Variants in CAMK2G observed in about 807,000 individuals in gnomAD.
The protein encoded by CAMK2G is calcium/calmodulin-dependent protein kinase type II subunit gamma.
A neutral mutation model predicts 88.7 loss-of-function variants in CAMK2G; 23 were observed. That is an observed-to-expected ratio of 0.26 (90% CI 0.19 to 0.37). The LOEUF (loss-of-function observed/expected upper bound fraction) is 0.37, where lower values mean the gene tolerates loss of function less well. CAMK2G is among the 10% of genes least tolerant of loss of function. The probability of loss-of-function intolerance (pLI) is 1.00; values close to 1 mark genes in which losing one functional copy is unlikely to be tolerated. For synonymous variants in CAMK2G, 263 were observed against 294.8 expected, an observed-to-expected ratio of 0.89 and a Z score of 1.11; for missense variants, 476 against 780.8, an observed-to-expected ratio of 0.61 and a Z score of 4.65.
chr10:73,825,070 G>GAGCAGC (rs1049722830), intron 16 of CAMK2G, among the ~76,000 whole-genome samples: 1 of 152,218 alleles, frequency 6.6e-6, no homozygotes, highest in African/African-American at 2.4e-5. Context: ...GCAGGAGCAG[G>GAGCAGC]AGCAGCACTT....
intron 10 of CAMK2G, among the ~76,000 whole-genome samples, chr10:73,843,217 C>A (rs192618229): frequency 8.3e-4 from 126 of 152,226 alleles, no homozygotes; most frequent in African/African-American, 2.8e-3. Flanking sequence ...GCACATCCCA[C>A]CACACCCAGC....
At position 73,842,425 on chromosome 10, in the gene CAMK2G, C is replaced by T; in HGVS notation, c.903+33G>A. 6.6e-7 allele frequency: 1 copy of T among 1,514,916 alleles called. No individual in the cohort carries two copies. Among genetic ancestry groups the T allele is most frequent in the Non-Finnish European group, 9.2e-7 (1 of 1,089,376 alleles). The allele number at this position is 1,514,916 out of a possible 1,614,324, so 93.8% of individuals were successfully genotyped here. On this transcript the variant is annotated intron_variant, in intron 11 of 22. Coordinates refer to ENST00000423381, the MANE Select transcript of CAMK2G (RefSeq NM_001367534.1). This position sits in a 1 kb window ranked among gnomAD's most constrained non-coding sequence, Gnocchi z 4.6. ...GCCACACTGGTGCAAGGCATGATGTCAAGGAGGCTGGCAGCCTAGAAACGA... is the reference window on the plus strand; with the variant it reads ...GCCACACTGGTGCAAGGCATGATGTTAAGGAGGCTGGCAGCCTAGAAACGA...
rs114593384 is a variant in CAMK2G, at chr10:73,839,724, C to T, written c.947-123G>A. 4.2e-3 allele frequency: 2,091 copies of T among 498,858 alleles called. 27 individuals carry two copies. The highest frequency in any genetic ancestry group is 0.037 in the African/African-American group (1,871 of 50,354). 30.9% of individuals were successfully genotyped at this position (498,858 alleles called of 1,614,324 possible). On this transcript the variant is annotated intron_variant, in intron 12 of 22. Coordinates refer to ENST00000423381, the MANE Select transcript of CAMK2G (RefSeq NM_001367534.1). This position sits in a 1 kb window ranked among gnomAD's most constrained non-coding sequence, Gnocchi z 4.2. Reference sequence around the variant, plus strand: ...GGCCAAGCCAGCCGAGCTGGGGGAGCGGAGCGCCAGGGGCAGGCTGAGGAG... The same window carrying T: ...GGCCAAGCCAGCCGAGCTGGGGGAGTGGAGCGCCAGGGGCAGGCTGAGGAG...
At chr10:73,833,024 G>A (rs2092699801) in intron 14 of CAMK2G, among the ~76,000 whole-genome samples, 1 of 149,974 alleles carries the variant, frequency 6.7e-6, no homozygotes, top group South Asian at 2.1e-4. Context: ...GAGCGCAGTG[G>A]TGTGATCCTG....
At chr10:73,852,649 T>C in intron 4 of CAMK2G, 1 of 338,432 alleles carries the variant, frequency 3.0e-6, no homozygotes, top group Non-Finnish European at 5.5e-6. Flanking sequence ...ACATAAACAC[T>C]AAAATATCGC....
intron 14 of CAMK2G, among the ~76,000 whole-genome samples, chr10:73,835,070 A>T (rs1400941489): frequency 6.6e-6 from 1 of 151,852 alleles, no homozygotes; most frequent in Non-Finnish European, 1.5e-5. Flanking sequence ...AACCCAGCAA[A>T]ATCCAGCTAC....
intron 3 of CAMK2G, among the ~76,000 whole-genome samples, chr10:73,855,439 T>G (rs2094956385): frequency 6.6e-6 from 1 of 152,246 alleles, no homozygotes; most frequent in South Asian, 2.1e-4. Flanking sequence ...GGTATGATGC[T>G]GACAACCATC....
Position 73,815,061 on chromosome 10 carries a change from T to C in CAMK2G, c.1721A>G (p.Asn574Ser), listed in dbSNP as rs1270413038. The change falls in exon 22 of 23, where the codon AAT (asparagine) becomes AGT (serine). Residue 574 changes from asparagine (N) to serine (S), a missense_variant. Asn to Ser is a conservative substitution (Grantham distance 46, BLOSUM62 1). Around this residue, in one of 3 missense-constraint regions of CAMK2G, gnomAD observed 278 missense variants for 366.5 expected, o/e 0.76. Coordinates refer to ENST00000423381, the MANE Select transcript of CAMK2G (RefSeq NM_001367534.1). ...GGCCCCTGAGCAGTGATAGTGGACATTGAGCCACTTGCCATCCCGACGGTG... is the reference window on the plus strand; with the variant it reads ...GGCCCCTGAGCAGTGATAGTGGACACTGAGCCACTTGCCATCCCGACGGTG... ...VWHRRDGKWL[N>S]VHYHCSGAPA... is the part of the protein sequence containing the mutation. 3 of 1,614,146 alleles carry C rather than the reference T, an allele frequency of 1.9e-6. No homozygotes were observed. Among genetic ancestry groups the C allele is most frequent in the Middle Eastern group, 1.7e-4 (1 of 6,050 alleles).
rs2094401207 is a variant in CAMK2G at position 73,848,436 on chromosome 10, C to A, written c.601+90G>T. ...TCACATACACCAGGCACGTGTGTGACCTGCAAGGAATAGCGATGCCTCTTT... is the reference window on the plus strand; with the variant it reads ...TCACATACACCAGGCACGTGTGTGAACTGCAAGGAATAGCGATGCCTCTTT... On this transcript the variant is annotated intron_variant, in intron 8 of 22. Coordinates refer to ENST00000423381, the MANE Select transcript of CAMK2G (RefSeq NM_001367534.1). The surrounding 1 kb of genome is among the most constrained non-coding windows in gnomAD (Gnocchi z 4.5). The A allele has an allele frequency of 2.3e-6, 2 of 860,288 alleles. No individual in the cohort carries two copies. The highest frequency in any genetic ancestry group is 3.9e-6 in the Non-Finnish European group (2 of 511,660). 53.3% of individuals were successfully genotyped at this position (860,288 alleles called of 1,614,324 possible). A position where few individuals can be genotyped will look rare whatever the true frequency, so the allele number is the denominator to read the frequency against.
At chr10:73,825,400 A>G (rs1224231640) in intron 15 of CAMK2G, 53 bp from the exon 16 acceptor site, 5 of 1,404,096 alleles carry the variant, frequency 3.6e-6, no homozygotes, top group Non-Finnish European at 5.1e-6. Context: ...AAGGCCACTC[A>G]GGTTCAACTC....
intron 17 of CAMK2G, among the ~76,000 whole-genome samples, chr10:73,823,758 C>T (rs963258696): frequency 2.6e-5 from 4 of 152,130 alleles, no homozygotes; most frequent in East Asian, 1.9e-4. Context: ...TTTAAACTTC[C>T]GACATATGGA....
At chr10:73,824,841 C>T (rs1190722911) in intron 16 of CAMK2G, among the ~76,000 whole-genome samples, 1 of 152,200 alleles carries the variant, frequency 6.6e-6, no homozygotes, top group Non-Finnish European at 1.5e-5. Context: ...GGACCCCAGC[C>T]CTCTTTCCTG....
At chr10:73,833,165 G>A (rs1417966137) in intron 14 of CAMK2G, among the ~76,000 whole-genome samples, 4 of 148,798 alleles carry the variant, frequency 2.7e-5, no homozygotes, top group Admixed American at 6.7e-5. Flanking sequence ...GTCTCACTAC[G>A]TTTCCCAGGC....
intron 10 of CAMK2G, among the ~76,000 whole-genome samples, chr10:73,845,106 G>A (rs976233978): frequency 1.3e-5 from 2 of 152,110 alleles, no homozygotes; most frequent in South Asian, 2.1e-4. Flanking sequence ...ACCAGCATAG[G>A]AACAGGCCCA....
intron 3 of CAMK2G, among the ~76,000 whole-genome samples, chr10:73,859,989 A>T (rs773928904): frequency 6.6e-6 from 1 of 152,224 alleles, no homozygotes; most frequent in Non-Finnish European, 1.5e-5. Context: ...AGCACAGAAC[A>T]CGTGTTGTCT....
intron 17 of CAMK2G, among the ~76,000 whole-genome samples, chr10:73,822,944 C>T (rs891370839): frequency 2.0e-5 from 3 of 152,218 alleles, no homozygotes; most frequent in African/African-American, 7.2e-5. Flanking sequence ...TCACTGCAAC[C>T]TCCGCCTCCC....
At chr10:73,852,715 C>A (rs2094721278) in intron 4 of CAMK2G, 1 of 250,022 alleles carries the variant, frequency 4.0e-6, no homozygotes, top group Non-Finnish European at 7.8e-6. Flanking sequence ...ACCAATGACA[C>A]AGAGACCCAA....
intron 14 of CAMK2G, among the ~76,000 whole-genome samples, chr10:73,830,791 TC>T (rs1184503487): frequency 1.3e-5 from 2 of 152,272 alleles, no homozygotes; most frequent in East Asian, 3.9e-4. Context: ...AGAAGCTAAG[TC>T]CCCCAAATCA....
intron 14 of CAMK2G, among the ~76,000 whole-genome samples, chr10:73,832,530 C>T (rs1455161244): frequency 6.6e-6 from 1 of 152,144 alleles, no homozygotes; most frequent in Admixed American, 6.5e-5. Flanking sequence ...TGGTCTCGAT[C>T]TCCTGACCTC....
Sources: gnomAD v4.1 joint callset for allele counts (sites outside exome capture counted in the v4.1 genomes callset) on GRCh38, gnomAD v4.1.1 for gene constraint, gnomAD v4.1.1 regional missense constraint, Gnocchi (gnomAD v3.1) non-coding constraint, MANE v1.5 for transcripts, NCBI Gene and HGNC (gene_info 2026-07-23, HGNC 2026-07-21) for gene names.